Variants in DARS2 observed in about 807,000 individuals in gnomAD.
DARS2 encodes aspartate--tRNA ligase, mitochondrial.
Under a neutral mutation model 83.0 loss-of-function variants are expected in DARS2, and 63 were observed. The observed-to-expected ratio is 0.76, with a 90% CI of 0.62 to 0.94. DARS2 has a LOEUF of 0.94. Ranked by LOEUF, DARS2 falls within the 40% of genes least tolerant of loss-of-function variation. The probability of loss-of-function intolerance (pLI) is 0.00; values close to 1 mark genes in which losing one functional copy is unlikely to be tolerated. For missense variants in DARS2, 675 were observed against 774.4 expected (o/e 0.87, Z 1.52); for synonymous variants, 250 against 269.3 (o/e 0.93, Z 0.70).
In DARS2 at chr1:173,845,258, C is replaced by A; in HGVS notation, c.1158C>A (p.Ser386=). ...ACTTAAAAAGGAAAGACATTGAATC[C>A]ATTAGAAACTTTGCAGCTGACCATT... The part of the protein sequence containing the change: ...AKYLKRKDIE[S]IRNFAADHFN... Residue 386 remains serine, a synonymous_variant, in exon 12 of 17, where the codon TCC becomes TCA. Coordinates refer to ENST00000649689, the MANE Select transcript of DARS2 (RefSeq NM_018122.5). The A allele has an allele frequency of 6.2e-7, 1 of 1,611,148 alleles. No individual in the cohort carries two copies. Among genetic ancestry groups the A allele is most frequent in the Non-Finnish European group, 8.5e-7 (1 of 1,177,640 alleles).
Position 173,837,025 on chromosome 1 carries a change from T to C in DARS2, c.749T>C (p.Leu250Pro), listed in dbSNP as rs778283912. The change falls in exon 8 of 17, where the codon CTG (leucine) becomes CCG (proline). Residue 250 changes from leucine (L) to proline (P), a missense_variant. Physicochemically the swap from Leu to Pro is moderately conservative, Grantham distance 98. Coordinates refer to ENST00000649689, the MANE Select transcript of DARS2 (RefSeq NM_018122.5). ...AGTCCTCAACAGTTTAAGCAACTTC[T>C]GATGGTTGGCGGTTTAGACAGGTGA... Reference protein sequence around the residue: ...PQSPQQFKQLLMVGGLDRYFQ... With the variant: ...PQSPQQFKQLPMVGGLDRYFQ... 1.2e-6 allele frequency: 2 copies of C among 1,614,010 alleles called. No homozygotes were observed. Among genetic ancestry groups the C allele is most frequent in the Admixed American group, 1.7e-5 (1 of 60,022 alleles).
intron 1 of DARS2, 63 bp from the exon 2 acceptor site, chr1:173,826,624 A>T: frequency 8.1e-7 from 1 of 1,232,626 alleles, no homozygotes; most frequent in South Asian, 1.3e-5. Flanking sequence ...TTTTTAAGCA[A>T]CCTGCAAGTG....
intron 15 of DARS2, among the ~76,000 whole-genome samples, chr1:173,854,378 G>A (rs1653785731): frequency 6.6e-6 from 1 of 151,994 alleles, no homozygotes; most frequent in African/African-American, 2.4e-5. Context: ...ACTTGGAAAA[G>A]TAAATAATAA....
intron 11 of DARS2, among the ~76,000 whole-genome samples, chr1:173,844,979 A>G (rs201789678): frequency 4.0e-5 from 6 of 151,536 alleles, no homozygotes; most frequent in Admixed American, 3.9e-4. Context: ...TTTTTAGTAG[A>G]GACGGGGTTT....
intron 11 of DARS2, among the ~76,000 whole-genome samples, chr1:173,842,284 CTTTTTTTTTTTTTTTTTTT>C (rs1178547914): frequency 9.3e-5 from 6 of 64,224 alleles, no homozygotes; most frequent in Admixed American, 7.7e-4. Context: ...TCATTACTTT[CTTTTTTTTTTTTTTTTTTT>C]TTTTTTTTTT....
chr1:173,832,703 A>G (rs1384533246), intron 5 of DARS2, among the ~76,000 whole-genome samples: 1 of 148,606 alleles, frequency 6.7e-6, no homozygotes, highest in African/African-American at 2.5e-5. Context: ...CGGGAGGCAG[A>G]GGTTGCAGTG....
In DARS2 at chr1:173,839,557, T is replaced by C; in HGVS notation, c.1020+11T>C. On this transcript the variant is annotated intron_variant, in intron 10 of 16. Transcript: ENST00000649689. The stretch of plus-strand genomic sequence containing the variant: ...CGCTTTGGAATGAAGGTACTTATCT[T>C]CACTTTTCTAGGACTCTGTCCCCAA... 1 of 1,613,612 alleles carries C rather than the reference T, an allele frequency of 6.2e-7. No homozygotes were observed. Among genetic ancestry groups the C allele is most frequent in the Non-Finnish European group, 8.5e-7 (1 of 1,179,478 alleles).
At chr1:173,832,683 C>T (rs1269093346) in intron 5 of DARS2, among the ~76,000 whole-genome samples, 2 of 150,652 alleles carry the variant, frequency 1.3e-5, no homozygotes, top group African/African-American at 4.9e-5. Flanking sequence ...GCAGGAGAAT[C>T]GCTTGAACCC....
chr1:173,845,682 C>T (rs186405831), intron 12 of DARS2, among the ~76,000 whole-genome samples: 26 of 152,092 alleles, frequency 1.7e-4, no homozygotes, highest in Admixed American at 1.4e-3. Context: ...GAGCTGAGAT[C>T]GCACCACCGC....
At chr1:173,850,278 C>T (rs1366592799) in intron 12 of DARS2, 49 bp from the exon 13 acceptor site, 7 of 1,440,108 alleles carry the variant, frequency 4.9e-6, no homozygotes, top group Non-Finnish European at 5.6e-6. Flanking sequence ...ATTAATCCCA[C>T]TGTTCAAAAA....
intron 12 of DARS2, among the ~76,000 whole-genome samples, chr1:173,848,242 A>G (rs1395103602): frequency 6.6e-6 from 1 of 152,150 alleles, no homozygotes; most frequent in Non-Finnish European, 1.5e-5. Flanking sequence ...GTAATCAAGT[A>G]ACTTCCTAAG....
At chr1:173,854,693 T>C (rs1358077609) in intron 15 of DARS2, among the ~76,000 whole-genome samples, 3 of 152,000 alleles carry the variant, frequency 2.0e-5, no homozygotes, top group Non-Finnish European at 2.9e-5. Flanking sequence ...AAAATAAAAA[T>C]CAAATCAAAT....
At chr1:173,832,176 C>T (rs1203203697) in intron 5 of DARS2, among the ~76,000 whole-genome samples, 1 of 152,154 alleles carries the variant, frequency 6.6e-6, no homozygotes, top group Non-Finnish European at 1.5e-5. Flanking sequence ...AATTTTTAAA[C>T]TGATCTATTA....
At chr1:173,850,738 T>G (rs1368636291) in intron 13 of DARS2, among the ~76,000 whole-genome samples, 2 of 151,820 alleles carry the variant, frequency 1.3e-5, no homozygotes, top group Non-Finnish European at 2.9e-5. Context: ...CCTGAGTAGC[T>G]GGGATTACAG....
In DARS2 at chr1:173,833,488, G is replaced by C; in HGVS notation, c.605G>C (p.Cys202Ser). 2.5e-6 allele frequency: 4 copies of C among 1,614,114 alleles called. No individual in the cohort carries two copies. The highest frequency in any genetic ancestry group is 3.4e-6 in the Non-Finnish European group (4 of 1,180,018). Residue 202 changes from cysteine (C) to serine (S), a missense_variant, in exon 6 of 17, where the codon TGT becomes TCT. By Grantham distance (112) the Cys-to-Ser change is moderately radical. Coordinates refer to ENST00000649689, the MANE Select transcript of DARS2 (RefSeq NM_018122.5). ...QMVMKMREYL[C>S]NLHGFVDIET... The stretch of plus-strand genomic sequence containing the variant: ...GTCATGAAAATGCGGGAATATCTCT[G>C]TAATCTGCATGGTAAGAGAAATGCC...
chr1:173,853,880 G>A lies in DARS2; in HGVS notation c.1649G>A (p.Arg550His), dbSNP rs765310805. The A allele has an allele frequency of 1.2e-5, 19 of 1,613,954 alleles. No homozygotes were observed. Among genetic ancestry groups the A allele is most frequent in the Middle Eastern group, 3.3e-4 (2 of 6,084 alleles). The change falls in exon 15 of 17, where the codon CGT becomes CAT. Residue 550 changes from arginine to histidine, a missense_variant. Arg to His is a conservative substitution (Grantham distance 29). Coordinates refer to ENST00000649689, the MANE Select transcript of DARS2 (RefSeq NM_018122.5). ...SIRIHNAELQ[R>H]YILATLLKED... ...CGAATTCACAATGCAGAGCTGCAGC[G>A]TTATATCCTGGCAACCTTACTAAAG...
At chr1:173,831,681 C>G in intron 5 of DARS2, 51 bp downstream of exon 5, 2 of 1,364,574 alleles carry the variant, frequency 1.5e-6, no homozygotes, top group Non-Finnish European at 2.1e-6. Flanking sequence ...ATGTTGATGA[C>G]TAGTCAAGTA....
intron 8 of DARS2, 68 bp from the exon 9 acceptor site, chr1:173,838,122 A>G: frequency 6.1e-6 from 8 of 1,317,140 alleles, no homozygotes; most frequent in Non-Finnish European, 8.8e-6. Flanking sequence ...ATTGCTTTAA[A>G]CTTTTGGGGA....
Position 173,833,484 on chromosome 1 carries a change from C to T in DARS2, c.601C>T (p.Leu201Phe), listed in dbSNP as rs893267329. 5 of 1,614,000 alleles carry T rather than the reference C, an allele frequency of 3.1e-6. No homozygotes were observed. The highest frequency in any genetic ancestry group is 3.4e-6 in the Non-Finnish European group (4 of 1,180,030). ...SQMVMKMREY[L>F]CNLHGFVDIE... ...GATGGTCATGAAAATGCGGGAATAT[C>T]TCTGTAATCTGCATGGTAAGAGAAA... Residue 201 changes from leucine (L) to phenylalanine (F), a missense_variant, in exon 6 of 17, where the codon CTC becomes TTC. Physicochemically the swap from Leu to Phe is conservative, Grantham distance 22. Transcript: ENST00000649689.
Sources: allele counts gnomAD v4.1 joint callset (sites outside exome capture counted in the v4.1 genomes callset), GRCh38; gene constraint gnomAD v4.1.1; transcripts MANE v1.5; gene names NCBI Gene and HGNC (gene_info 2026-07-23, HGNC 2026-07-21).